NWD1: variants seen among roughly 807,000 people sequenced by gnomAD.
NWD1 encodes the protein NACHT domain- and WD repeat-containing protein 1.
NWD1 carries 129 observed loss-of-function variants against 135.1 expected under a neutral mutation model. The ratio of observed to expected loss-of-function variants is 0.96; its 90% CI spans 0.83 to 1.11. The LOEUF (loss-of-function observed/expected upper bound fraction) is 1.11, where lower values mean the gene tolerates loss of function less well. NWD1 is among the 50% of genes least tolerant of loss of function. The pLI, the probability that NWD1 is intolerant of heterozygous loss-of-function variation, is 0.00. For synonymous variants in NWD1, 773 were observed against 786.0 expected (o/e 0.98, Z 0.28); for missense variants, 1,740 against 1,851.3 (o/e 0.94, Z 1.10).
In NWD1 at chr19:16,749,727, T is replaced by C. The variant is rs369969017; in HGVS notation, c.1085T>C (p.Leu362Pro). 13 of 1,605,988 alleles carry C rather than the reference T, an allele frequency of 8.1e-6. No homozygotes were observed. In the African/African-American group the frequency reaches 1.6e-4, roughly 20 times the overall value. ...CKLAEQMPRL[L>P]GHKTVTVLRL... ...CTGGCTGAGCAGATGCCAAGGCTGC[T>C]GGGGCACAAGACAGTGACCGTCCTG... The change falls in exon 6 of 19, where the codon CTG (leucine) becomes CCG (proline). Residue 362 changes from leucine (L) to proline (P), a missense_variant. Leu to Pro is a moderately conservative substitution (Grantham distance 98). Transcript: ENST00000524140.
Position 16,808,066 on chromosome 19 carries a change from G to C in NWD1, c.4217G>C (p.Gly1406Ala). 2 of 1,614,138 alleles carry C rather than the reference G, an allele frequency of 1.2e-6. No homozygotes were observed. The highest frequency in any genetic ancestry group is 1.7e-6 in the Non-Finnish European group (2 of 1,180,026). ...VSHKEQLVVS[G>A]SEDALLCLWD... ...CACAAGGAGCAGCTGGTGGTCAGCGGGTCTGAGGATGCCCTGCTGTGTCTC... is the reference window on the plus strand; with the variant it reads ...CACAAGGAGCAGCTGGTGGTCAGCGCGTCTGAGGATGCCCTGCTGTGTCTC... The change falls in exon 18 of 19, where the codon GGG becomes GCG. Residue 1406 changes from glycine (G) to alanine (A), a missense_variant. Gly to Ala is a moderately conservative substitution (Grantham distance 60, BLOSUM62 0). Coordinates refer to ENST00000524140, the MANE Select transcript of NWD1 (RefSeq NM_001007525.5).
rs1289520493 is a variant in NWD1 at position 16,749,398 on chromosome 19, C to T, written c.756C>T (p.Asn252=). The change falls in exon 6 of 19, where the codon AAC becomes AAT. Residue 252 remains asparagine, a synonymous_variant. Transcript: ENST00000524140. ...HRLPWSRDLV[N]PKNKTHACYL... is the part of the protein sequence containing the mutation. ...TGCCGTGGAGCCGCGACTTGGTGAA[C>T]CCCAAGAACAAGACTCACGCCTGCT... is the stretch of plus-strand genomic sequence containing the variant. 4 of 1,613,838 alleles carry T rather than the reference C, an allele frequency of 2.5e-6. No individual in the cohort carries two copies. Among genetic ancestry groups the T allele is most frequent in the African/African-American group, 1.3e-5 (1 of 74,910 alleles).
intron 1 of NWD1, among the ~76,000 whole-genome samples, chr19:16,723,173 G>A (rs973156784): frequency 7.2e-5 from 11 of 151,932 alleles, no homozygotes; most frequent in African/African-American, 1.4e-4. Context: ...AGCTAGGACC[G>A]CAGACACGAA....
In NWD1 at chr19:16,733,338, T is replaced by A. The variant is rs573525479; in HGVS notation, c.81+2060T>A. On this transcript the variant is annotated intron_variant, in intron 3 of 18. Coordinates refer to ENST00000524140, the MANE Select transcript of NWD1 (RefSeq NM_001007525.5). The stretch of plus-strand genomic sequence containing the variant: ...GAGTTCGAGACCAGCCTGGCCAACA[T>A]GGTGAAACCCCCTCTCTACTAAAAA... Among the ~76,000 whole-genome samples the A allele has an allele frequency of 2.2e-3, 328 of 151,850 alleles. 4 individuals carry two copies. Among genetic ancestry groups the A allele is most frequent in the Non-Finnish European group, 1.6e-3 (107 of 67,958 alleles).
intron 4 of NWD1, among the ~76,000 whole-genome samples, chr19:16,743,673 T>A (rs531183371): frequency 7.0e-6 from 1 of 142,570 alleles, no homozygotes; most frequent in African/African-American, 3.0e-5. Context: ...TATTTATTTA[T>A]TAGTTTGTTT....
intron 18 of NWD1, among the ~76,000 whole-genome samples, chr19:16,809,562 T>TC (rs1344211484): frequency 8.7e-6 from 1 of 114,538 alleles, no homozygotes. Flanking sequence ...TCTTTTTCTT[T>TC]TTTTTTTTTT....
At chr19:16,787,092 C>T (rs755670452) in intron 12 of NWD1, among the ~76,000 whole-genome samples, 26 of 152,014 alleles carry the variant, frequency 1.7e-4, no homozygotes, top group Non-Finnish European at 2.9e-4. Flanking sequence ...CCAAATTGTA[C>T]GTTTTGCTTA....
chr19:16,786,694 A>G (rs1970051409), intron 12 of NWD1, among the ~76,000 whole-genome samples: 1 of 151,856 alleles, frequency 6.6e-6, no homozygotes, highest in Non-Finnish European at 1.5e-5. Flanking sequence ...TTACAGGCGC[A>G]CACCACCACA....
At chr19:16,784,789 T>A (rs1009304959) in intron 12 of NWD1, among the ~76,000 whole-genome samples, 2 of 151,426 alleles carry the variant, frequency 1.3e-5, no homozygotes, top group African/African-American at 2.4e-5. Context: ...ATTAGCCAGG[T>A]GTGATGGCAC....
At chr19:16,745,402 G>A (rs955310617) in intron 5 of NWD1, among the ~76,000 whole-genome samples, 7 of 151,926 alleles carry the variant, frequency 4.6e-5, no homozygotes, top group Middle Eastern at 3.4e-3. Flanking sequence ...TGCCTGGGAC[G>A]GAGGGGTTCC....
At chr19:16,761,309 G>A (rs536009208) in intron 7 of NWD1, among the ~76,000 whole-genome samples, 1 of 149,716 alleles carries the variant, frequency 6.7e-6, no homozygotes, top group East Asian at 1.9e-4. Flanking sequence ...TTGTGAACAT[G>A]CATGTGTAAG....
intron 16 of NWD1, among the ~76,000 whole-genome samples, chr19:16,799,251 A>G (rs1218753419): frequency 6.6e-6 from 1 of 151,942 alleles, no homozygotes; most frequent in East Asian, 1.9e-4. Context: ...CCTGAAGTGC[A>G]GTGGCGCAAT....
At chr19:16,746,360 A>C (rs1968315526) in intron 5 of NWD1, among the ~76,000 whole-genome samples, 3 of 151,770 alleles carry the variant, frequency 2.0e-5, no homozygotes, top group African/African-American at 7.3e-5. Flanking sequence ...ACCCCGTATC[A>C]AACAAACAAA....
rs142594359 is a variant in NWD1 at position 16,803,109 on chromosome 19, G to A, written c.3736+2947G>A. Among the ~76,000 whole-genome samples, 1,375 of 152,284 alleles carry A rather than the reference G, an allele frequency of 9.0e-3. 30 individuals are homozygous for A. The highest frequency in any genetic ancestry group is 0.032 in the African/African-American group (1,322 of 41,560). On this transcript the variant is annotated intron_variant, in intron 17 of 18. Coordinates refer to ENST00000524140, the MANE Select transcript of NWD1 (RefSeq NM_001007525.5). ...TACATGGTGGCAGGCAAGAGAGTGT[G>A]TGCAGGGGAATTGCCCTTTACAAAA...
At chr19:16,782,865 T>C (rs566956185) in intron 12 of NWD1, among the ~76,000 whole-genome samples, 24,135 of 75,608 alleles carry the variant, frequency 0.32, 4,443 homozygotes, top group African/African-American at 0.53. Context: ...CTTTTCCTTC[T>C]TTCTTTCTTT....
chr19:16,746,711 G>A (rs143678357), intron 5 of NWD1, among the ~76,000 whole-genome samples: 1 of 151,648 alleles, frequency 6.6e-6, no homozygotes, highest in Non-Finnish European at 1.5e-5. Context: ...AACAGTCGAT[G>A]AACACATATT....
At chr19:16,762,212 C>T (rs1969044915) in intron 8 of NWD1, 74 bp downstream of exon 8, 1 of 1,388,274 alleles carries the variant, frequency 7.2e-7, no homozygotes, top group Non-Finnish European at 1.0e-6. Flanking sequence ...CCTTCCTTCC[C>T]CTTTTTGCAC....
intron 15 of NWD1, 80 bp from the exon 16 acceptor site, chr19:16,797,652 A>G (rs1487507019): frequency 2.2e-6 from 3 of 1,393,560 alleles, no homozygotes; most frequent in Middle Eastern, 2.1e-4. Flanking sequence ...CCGGCCTCCA[A>G]AACACCTCTG....
chr19:16,793,641 A>G (rs758985517), intron 14 of NWD1, among the ~76,000 whole-genome samples: 5 of 150,650 alleles, frequency 3.3e-5, no homozygotes, highest in East Asian at 2.0e-4. Flanking sequence ...CAGTGGCGCA[A>G]TCTCGGCTCA....
Sources: allele counts gnomAD v4.1 joint callset (sites outside exome capture counted in the v4.1 genomes callset), GRCh38; gene constraint gnomAD v4.1.1; transcripts MANE v1.5; gene names NCBI Gene and HGNC (gene_info 2026-07-23, HGNC 2026-07-21).